The following IFT81 variants were observed in gnomAD, a reference collection of about 807,000 sequenced individuals.
IFT81 encodes the protein intraflagellar transport protein 81 homolog.
In IFT81, 72 loss-of-function variants were observed where a neutral mutation model predicts 102.6. That is an observed-to-expected ratio of 0.70 (90% CI 0.58 to 0.85). The LOEUF (loss-of-function observed/expected upper bound fraction) is 0.85, where lower values mean the gene tolerates loss of function less well. Ranked by LOEUF, IFT81 falls within the 40% of genes least tolerant of loss-of-function variation. IFT81 has a pLI of 0.00. For synonymous variants in IFT81, 237 were observed against 242.7 expected (o/e 0.98, Z 0.22); for missense variants, 723 against 787.3 (o/e 0.92, Z 0.98).
chr12:110,143,575 C>A, intron 9 of IFT81, 30 bp downstream of exon 9: 2 of 1,494,216 alleles, frequency 1.3e-6, no homozygotes, highest in South Asian at 2.7e-5. Context: ...TTATAGCTCT[C>A]AATTTTATCT....
At chr12:110,186,219 C>A (rs1422573530) in intron 12 of IFT81, among the ~76,000 whole-genome samples, 2 of 151,606 alleles carry the variant, frequency 1.3e-5, no homozygotes, top group Non-Finnish European at 2.9e-5. Context: ...TTATTTATTT[C>A]ATAACATCAA....
chr12:110,171,821 A>G (rs1896747271), intron 11 of IFT81: 2 of 152,218 alleles, frequency 1.3e-5, no homozygotes, highest in Admixed American at 1.3e-4. Context: ...AGTTCTGTCT[A>G]GAGCACAAGA....
intron 8 of IFT81, among the ~76,000 whole-genome samples, chr12:110,139,629 C>T (rs950116483): frequency 6.6e-6 from 1 of 151,186 alleles, no homozygotes; most frequent in African/African-American, 2.4e-5. Context: ...AAAAAATTAG[C>T]CGGGCATGGT....
intron 18 of IFT81, among the ~76,000 whole-genome samples, chr12:110,215,052 G>A (rs886112876): frequency 6.6e-6 from 1 of 152,054 alleles, no homozygotes; most frequent in South Asian, 2.1e-4. Context: ...TTCTATTCCT[G>A]TTTGCTGTTA....
At chr12:110,195,331 T>C (rs2137557873) in intron 14 of IFT81, among the ~76,000 whole-genome samples, 1 of 152,284 alleles carries the variant, frequency 6.6e-6, no homozygotes, top group Middle Eastern at 3.4e-3. Context: ...TGAGAAGTCA[T>C]GAAATTGATA....
chr12:110,176,170 T>A (rs1897026891), intron 11 of IFT81, among the ~76,000 whole-genome samples: 1 of 152,084 alleles, frequency 6.6e-6, no homozygotes, highest in Non-Finnish European at 1.5e-5. Flanking sequence ...TGTTGACCTG[T>A]ACCTCCATTA....
At chr12:110,211,345 G>A (rs1285563314) in intron 18 of IFT81, among the ~76,000 whole-genome samples, 1 of 152,018 alleles carries the variant, frequency 6.6e-6, no homozygotes, top group African/African-American at 2.4e-5. Flanking sequence ...GTGGAGGCAG[G>A]AGCTAGTTTT....
chr12:110,173,136 C>T (rs1327247097), intron 11 of IFT81, among the ~76,000 whole-genome samples: 7 of 142,582 alleles, frequency 4.9e-5, no homozygotes, highest in East Asian at 2.2e-4. Flanking sequence ...GCCCCCCGCC[C>T]GGCCAGCCGC....
chr12:110,180,405 T>C lies in IFT81; in HGVS notation c.1189-17T>C. 6.5e-7 allele frequency: 1 copy of C among 1,536,690 alleles called. No individual in the cohort carries two copies. Among genetic ancestry groups the C allele is most frequent in the South Asian group, 1.2e-5 (1 of 86,082 alleles). Reference sequence around the variant, plus strand: ...ACTTTTCTACTCATTAGATTACATATTGTGTTTTTTTTACAGTTCAAACGA... The same window carrying C: ...ACTTTTCTACTCATTAGATTACATACTGTGTTTTTTTTACAGTTCAAACGA... On this transcript the variant is annotated splice_polypyrimidine_tract_variant and intron_variant, in intron 11 of 18. Transcript: ENST00000242591.
chr12:110,132,673 A>G (rs2137310451), intron 5 of IFT81, 37 bp downstream of exon 5: 3 of 1,083,732 alleles, frequency 2.8e-6, no homozygotes, highest in Non-Finnish European at 4.2e-6. Context: ...TTTTTTTGGG[A>G]TTTGAATAAT....
At chr12:110,213,099 C>A (rs1450014001) in intron 18 of IFT81, among the ~76,000 whole-genome samples, 1 of 151,886 alleles carries the variant, frequency 6.6e-6, no homozygotes, top group Non-Finnish European at 1.5e-5. Flanking sequence ...ATTATCCTAC[C>A]GAAAAGAATT....
intron 8 of IFT81, among the ~76,000 whole-genome samples, chr12:110,139,061 T>G (rs1894686564): frequency 1.3e-5 from 2 of 151,952 alleles, no homozygotes. Flanking sequence ...CAAACCCTGG[T>G]GCAGTGGTTC....
chr12:110,211,636 T>G (rs1311940751), intron 18 of IFT81, among the ~76,000 whole-genome samples: 1 of 151,962 alleles, frequency 6.6e-6, no homozygotes, highest in African/African-American at 2.4e-5. Flanking sequence ...TAATTATTCT[T>G]GTTTTTTTTT....
intron 10 of IFT81, among the ~76,000 whole-genome samples, chr12:110,154,836 G>A (rs1895749560): frequency 6.6e-6 from 1 of 151,860 alleles, no homozygotes; most frequent in South Asian, 2.1e-4. Flanking sequence ...AGGCTGGAGT[G>A]CAGTGGTGAG....
rs186673979 is a variant in IFT81 at position 110,147,922 on chromosome 12, A to G, written c.1041+874A>G. On this transcript the variant is annotated intron_variant, in intron 10 of 18. Coordinates refer to ENST00000242591, the MANE Select transcript of IFT81 (RefSeq NM_014055.4). ...ACATACCACATCTGAAAATTTTAATAATTCCTTAATATCAGAAAATATTCA... is the reference window on the plus strand; with the variant it reads ...ACATACCACATCTGAAAATTTTAATGATTCCTTAATATCAGAAAATATTCA... Among the ~76,000 whole-genome samples, 1,046 of 152,326 alleles carry G rather than the reference A, an allele frequency of 6.9e-3. 1 individual carries two copies. The highest frequency in any genetic ancestry group is 9.5e-3 in the Non-Finnish European group (643 of 68,034).
chr12:110,145,866 A>G (rs1895196544), intron 9 of IFT81, among the ~76,000 whole-genome samples: 1 of 152,006 alleles, frequency 6.6e-6, no homozygotes, highest in Non-Finnish European at 1.5e-5. Context: ...GCTGGAGTCC[A>G]GTGGTGCGAT....
rs75666959 is a variant in IFT81, at chr12:110,133,569, A to G, written c.519+933A>G. ...CTTGAGCCTGGGAGTTCAAGGCTGC[A>G]GTGAGCTATGATCATACCACTGCAC... On this transcript the variant is annotated intron_variant, in intron 5 of 18. Transcript: ENST00000242591. Among the ~76,000 whole-genome samples, 4,561 of 152,166 alleles carry G rather than the reference A, an allele frequency of 0.03. 987 individuals are homozygous for G. The East Asian group carries it at 0.6, about 20-fold the overall frequency.
intron 3 of IFT81, 66 bp downstream of exon 3, chr12:110,128,215 C>A: frequency 2.1e-6 from 2 of 948,790 alleles, no homozygotes; most frequent in Non-Finnish European, 1.7e-6. Context: ...TCATATACTG[C>A]AATCAATCTT....
intron 18 of IFT81, among the ~76,000 whole-genome samples, chr12:110,210,126 C>G (rs1354331414): frequency 1.3e-5 from 2 of 152,112 alleles, no homozygotes; most frequent in Non-Finnish European, 2.9e-5. Context: ...AAGACACCAG[C>G]TTTGCATTCT....
Sources: allele counts gnomAD v4.1 joint callset (sites outside exome capture counted in the v4.1 genomes callset), GRCh38; gene constraint gnomAD v4.1.1; transcripts MANE v1.5; gene names NCBI Gene and HGNC (gene_info 2026-07-23, HGNC 2026-07-21).